Variants in RELL1 observed in about 807,000 individuals in gnomAD.
The protein encoded by RELL1 is RELT-like protein 1.
RELL1 carries 10 observed loss-of-function variants against 23.0 expected under a neutral mutation model. The ratio of observed to expected loss-of-function variants is 0.43; its 90% CI spans 0.27 to 0.74. The LOEUF (loss-of-function observed/expected upper bound fraction) is 0.74, where lower values mean the gene tolerates loss of function less well. Among genes scored for constraint, RELL1 ranks in the 30% least tolerant of loss-of-function variants. The pLI is 0.19. For missense variants in RELL1, 315 were observed against 364.4 expected, an observed-to-expected ratio of 0.86 and a Z score of 1.10; for synonymous variants, 146 against 146.8, an observed-to-expected ratio of 0.99 and a Z score of 0.04.
intron 3 of RELL1, among the ~76,000 whole-genome samples, chr4:37,639,359 G>A (rs1310258342): frequency 6.9e-6 from 1 of 144,818 alleles, no homozygotes; most frequent in African/African-American, 2.6e-5. Flanking sequence ...ACTCCAGCCT[G>A]GGCGATGAAG....
chr4:37,658,296 G>A (rs969418663), intron 1 of RELL1, among the ~76,000 whole-genome samples: 1 of 152,156 alleles, frequency 6.6e-6, no homozygotes, highest in African/African-American at 2.4e-5. Context: ...GGATCAGAAT[G>A]GAAAGCAGAC....
intron 6 of RELL1, among the ~76,000 whole-genome samples, chr4:37,600,210 CA>C (rs975904174): frequency 6.8e-6 from 1 of 146,126 alleles, no homozygotes; most frequent in African/African-American, 2.6e-5. Flanking sequence ...GCGGAGGTTG[CA>C]GTGAGCCAAG....
chr4:37,599,340 C>T (rs1204433867), intron 6 of RELL1, among the ~76,000 whole-genome samples: 1 of 152,068 alleles, frequency 6.6e-6, no homozygotes, highest in Non-Finnish European at 1.5e-5. Context: ...GAGTTTGGGG[C>T]TAGGCATTTT....
chr4:37,642,789 G>A (rs996528881), intron 3 of RELL1, among the ~76,000 whole-genome samples: 3 of 152,162 alleles, frequency 2.0e-5, no homozygotes, highest in Admixed American at 6.5e-5. Context: ...AGGGGAGGAC[G>A]GGGCAGGGTT....
rs181704608 is a variant in RELL1, at chr4:37,651,265, A to G, written c.89-1765T>C. 5.9e-5 allele frequency among the ~76,000 whole-genome samples: 9 copies of G among 152,212 alleles called. No individual in the cohort carries two copies. The East Asian group carries it at 1.5e-3, about 26-fold the overall frequency. On this transcript the variant is annotated intron_variant, in intron 1 of 6. Transcript: ENST00000454158. ...GAGGCCAGGAGTTCAGGAAGAACAT[A>G]CCGTGTAGCAAAAGAATCAGCAGAG...
intron 6 of RELL1, chr4:37,622,914 C>A: frequency 2.3e-6 from 1 of 432,114 alleles, no homozygotes; most frequent in Non-Finnish European, 4.6e-6. Flanking sequence ...AACTGACTCT[C>A]CTGCCTCAGC....
At chr4:37,603,692 G>A (rs1719076199) in intron 6 of RELL1, among the ~76,000 whole-genome samples, 1 of 152,168 alleles carries the variant, frequency 6.6e-6, no homozygotes, top group African/African-American at 2.4e-5. Flanking sequence ...AGGCCCCCTG[G>A]CAAATTCACC....
At chr4:37,643,745 T>C (rs1458646945) in intron 3 of RELL1, among the ~76,000 whole-genome samples, 1 of 152,208 alleles carries the variant, frequency 6.6e-6, no homozygotes, top group African/African-American at 2.4e-5. Flanking sequence ...GTCCACAAAA[T>C]AGAGGATTTC....
rs140278433 is a variant in RELL1 at position 37,665,138 on chromosome 4, C to A, written c.89-15638G>T. On this transcript the variant is annotated intron_variant, in intron 1 of 6. Coordinates refer to ENST00000454158, the MANE Select transcript of RELL1 (RefSeq NM_001085400.2). ...GTAATCAATCAAGTCCCCAAGTTCA[C>A]AGTAACTTTATAAGCAGTTTTGTTA... The A allele has an allele frequency of 2.3e-3, 931 of 405,386 alleles. 3 individuals carry two copies. Among genetic ancestry groups the A allele is most frequent in the Non-Finnish European group, 3.6e-3 (734 of 202,206 alleles). The allele number at this position is 405,386 out of a possible 1,614,324, so 25.1% of individuals were successfully genotyped here.
rs78653786 is a variant in RELL1, at chr4:37,601,107, C to T, written c.*4-9890G>A. 6.3e-3 allele frequency among the ~76,000 whole-genome samples: 960 copies of T among 152,292 alleles called. 7 individuals carry two copies. Among genetic ancestry groups the T allele is most frequent in the African/African-American group, 0.022 (901 of 41,556 alleles). On this transcript the variant is annotated intron_variant, in intron 6 of 6. Transcript: ENST00000314117. ...TCAACATCAGTCAAGGCAAGAAAGT[C>T]ATTCTTTCCAATAAGGCAGTTGACC...
chr4:37,680,909 G>A (rs1436385985), intron 1 of RELL1, among the ~76,000 whole-genome samples: 2 of 145,400 alleles, frequency 1.4e-5, no homozygotes, highest in African/African-American at 2.6e-5. Flanking sequence ...TCCAGCCTGG[G>A]TGACAGAGCA....
intron 6 of RELL1, among the ~76,000 whole-genome samples, chr4:37,593,777 A>T (rs561479650): frequency 5.9e-5 from 9 of 152,324 alleles, no homozygotes; most frequent in African/African-American, 1.9e-4. Context: ...TGGTTTCAAA[A>T]GATTGGAAGA....
chr4:37,604,806 C>G (rs964508145), intron 6 of RELL1, among the ~76,000 whole-genome samples: 1 of 48,956 alleles, frequency 2.0e-5, no homozygotes. Context: ...CAGACACACA[C>G]ACAGACACAC....
At chr4:37,679,238 C>T (rs935724043) in intron 1 of RELL1, among the ~76,000 whole-genome samples, 1 of 152,196 alleles carries the variant, frequency 6.6e-6, no homozygotes, top group Admixed American at 6.5e-5. Context: ...CTCCATCTAG[C>T]CGACAAGTTT....
In RELL1 at chr4:37,638,484, C is replaced by G; in HGVS notation, c.406G>C (p.Ala136Pro). 1 of 1,612,332 alleles carries G rather than the reference C, an allele frequency of 6.2e-7. No individual in the cohort carries two copies. The highest frequency in any genetic ancestry group is 8.5e-7 in the Non-Finnish European group (1 of 1,178,972). ...TACAGGCTGTTATCTGCTACCATCGCCTTTAAGACATCAGCATTCGCTAAG... is the reference window on the plus strand; with the variant it reads ...TACAGGCTGTTATCTGCTACCATCGGCTTTAAGACATCAGCATTCGCTAAG... Reference protein sequence around the residue: ...KNEANADVLKAMVADNSLYDP... With the variant: ...KNEANADVLKPMVADNSLYDP... The change falls in exon 4 of 7, where the codon GCG becomes CCG. Residue 136 changes from alanine (A) to proline (P), a missense_variant. Transcript: ENST00000454158.
intron 1 of RELL1, among the ~76,000 whole-genome samples, chr4:37,674,505 G>C (rs538445326): frequency 3.9e-4 from 60 of 152,300 alleles, no homozygotes; most frequent in Admixed American, 9.8e-4. Flanking sequence ...AAGGAGGATG[G>C]AAAGAACTGA....
intron 6 of RELL1, among the ~76,000 whole-genome samples, chr4:37,621,299 A>G (rs1455933810): frequency 6.6e-6 from 1 of 151,764 alleles, no homozygotes; most frequent in Non-Finnish European, 1.5e-5. Flanking sequence ...TACTAAAAAT[A>G]CAAAAAATCA....
intron 6 of RELL1, among the ~76,000 whole-genome samples, chr4:37,603,357 T>C (rs1719066622): frequency 6.6e-6 from 1 of 152,138 alleles, no homozygotes; most frequent in African/African-American, 2.4e-5. Context: ...TGGGGAGATC[T>C]GAGAACAGTC....
intron 6 of RELL1, among the ~76,000 whole-genome samples, chr4:37,595,099 C>A (rs1426800326): frequency 1.3e-5 from 2 of 152,128 alleles, no homozygotes; most frequent in African/African-American, 2.4e-5. Flanking sequence ...ATTTTTAAAT[C>A]CTCTATTTTG....
Sources: gnomAD v4.1 joint callset for allele counts (sites outside exome capture counted in the v4.1 genomes callset) on GRCh38, gnomAD v4.1.1 for gene constraint, MANE v1.5 for transcripts, NCBI Gene and HGNC (gene_info 2026-07-23, HGNC 2026-07-21) for gene names.